C3: variants seen among roughly 807,000 people sequenced by gnomAD.
The protein encoded by C3 is complement C3.
In C3, 97 loss-of-function variants were observed where a neutral mutation model predicts 207.9. The ratio of observed to expected loss-of-function variants is 0.47; its 90% CI spans 0.40 to 0.55. The LOEUF (loss-of-function observed/expected upper bound fraction) is 0.55. Among genes scored for constraint, C3 ranks in the 20% least tolerant of loss-of-function variants. The pLI is 0.00. For missense variants in C3, 1,684 were observed against 2,171.7 expected (o/e 0.78, Z 4.46); for synonymous variants, 848 against 857.6 (o/e 0.99, Z 0.20).
rs192699173 is a variant in C3, at chr19:6,708,533, T to C, written c.1846-604A>G. Among the ~76,000 whole-genome samples the C allele has an allele frequency of 1.0e-3, 151 of 149,982 alleles. 3 individuals carry two copies. The highest frequency in any genetic ancestry group is 3.0e-3 in the African/African-American group (121 of 40,800). ...CCTCCATTCCTCCTTTCCTCCTTCC[T>C]TTGCTCCCCCTTTCCTTCCCTCCTT... On this transcript the variant is annotated intron_variant, in intron 14 of 40. Coordinates refer to ENST00000245907, the MANE Select transcript of C3 (RefSeq NM_000064.4).
intron 17 of C3, among the ~76,000 whole-genome samples, chr19:6,703,522 G>T (rs375062167): frequency 5.0e-4 from 75 of 151,330 alleles, no homozygotes; most frequent in Middle Eastern, 7.0e-3. Context: ...CAGGAGAATC[G>T]CTTGAACCCG....
At chr19:6,691,487 G>A (rs556888739) in intron 26 of C3, among the ~76,000 whole-genome samples, 10 of 152,250 alleles carry the variant, frequency 6.6e-5, no homozygotes, top group African/African-American at 2.2e-4. Flanking sequence ...TCTCACAGAC[G>A]GCAGGGATTA....
chr19:6,705,599 G>A lies in C3; in HGVS notation c.2245+1477C>T, dbSNP rs1476110798. 4.6e-5 allele frequency among the ~76,000 whole-genome samples: 7 copies of A among 151,754 alleles called. No individual in the cohort carries two copies. The South Asian group carries it at 1.2e-3, about 27-fold the overall frequency. On this transcript the variant is annotated intron_variant, in intron 17 of 40. Coordinates refer to ENST00000245907, the MANE Select transcript of C3 (RefSeq NM_000064.4). Reference sequence around the variant, plus strand: ...TGGACTCAAGCAATCCACCCTTCTCGGCCTCGCAAAGTGTGGGCATTACAG... The same window carrying A: ...TGGACTCAAGCAATCCACCCTTCTCAGCCTCGCAAAGTGTGGGCATTACAG...
chr19:6,718,578 G>A (rs1272028144), intron 2 of C3, among the ~76,000 whole-genome samples, 166 bp from the exon 3 acceptor site: 1 of 151,906 alleles, frequency 6.6e-6, no homozygotes, highest in South Asian at 2.1e-4. Flanking sequence ...CGAGGGGAGA[G>A]GGGGGACCAG....
At chr19:6,718,609 A>C (rs1314169885) in intron 2 of C3, among the ~76,000 whole-genome samples, 197 bp from the exon 3 acceptor site, 1 of 148,454 alleles carries the variant, frequency 6.7e-6, no homozygotes, top group Non-Finnish European at 1.5e-5. Context: ...CAAAAAGAAG[A>C]GCTCACAAGG....
chr19:6,681,966 T>C lies in C3; in HGVS notation c.4325A>G (p.Asn1442Ser), dbSNP rs1917874671. The C allele has an allele frequency of 3.1e-6, 5 of 1,614,062 alleles. No homozygotes were observed. Among genetic ancestry groups the C allele is most frequent in the African/African-American group, 1.3e-5 (1 of 75,054 alleles). ...YELDKAFSDRNTLIIYLDKVS... is the reference protein window; with the variant it reads ...YELDKAFSDRSTLIIYLDKVS... ...CTTGTCCAGGTAGATGATGAGGGTG[T>C]TCCTATCGGAGAAGGCTTTGTCCAG... Residue 1442 changes from asparagine to serine, a missense_variant, in exon 35 of 41, where the codon AAC becomes AGC. This residue lies in a region of C3 where 346 missense variants were observed against 380.1 expected (regional missense o/e 0.91). Transcript: ENST00000245907.
At chr19:6,689,664 G>A (rs1918121928) in intron 27 of C3, among the ~76,000 whole-genome samples, 1 of 152,044 alleles carries the variant, frequency 6.6e-6, no homozygotes. Flanking sequence ...TGGCCAACAT[G>A]GTGAAACCCC....
chr19:6,684,271 C>A, intron 33 of C3, 117 bp downstream of exon 33: 4 of 855,976 alleles, frequency 4.7e-6, no homozygotes, highest in Non-Finnish European at 6.1e-6. Context: ...ATACTTAGAA[C>A]AGTATCAGAT....
In C3 at chr19:6,684,817, A is replaced by G. The variant is rs762669243; in HGVS notation, c.3987T>C (p.Gly1329=). 6.2e-7 allele frequency: 1 copy of G among 1,614,010 alleles called. No homozygotes were observed. Among genetic ancestry groups the G allele is most frequent in the South Asian group, 1.1e-5 (1 of 91,076 alleles). Residue 1329 remains glycine (G), a synonymous_variant, in exon 31 of 41, where the codon GGT becomes GGC. Transcript: ENST00000245907. ...CTTTTCCTTCAGCTGTGACTGTGAA[A>G]CCCTCATTTTCCTTGGTCTGCAGAG... ...LRSEETKENE[G]FTVTAEGKGQ...
Position 6,710,812 on chromosome 19 carries a change from G to A in C3, c.1513C>T (p.Arg505Cys), listed in dbSNP as rs748352684. The part of the protein sequence containing the change: ...MNKGRLLKAG[R>C]QVREPGQDLV... ...TCCTGGCCGGGCTCTCGCACCTGGCGTCCCGCCTTCAACAGCCTGCCCTTG... is the reference window on the plus strand; with the variant it reads ...TCCTGGCCGGGCTCTCGCACCTGGCATCCCGCCTTCAACAGCCTGCCCTTG... Residue 505 changes from arginine to cysteine, a missense_variant, in exon 13 of 41, where the codon CGC becomes TGC. Coordinates refer to ENST00000245907, the MANE Select transcript of C3 (RefSeq NM_000064.4). The A allele has an allele frequency of 2.5e-6, 4 of 1,613,938 alleles. No individual in the cohort carries two copies. Among genetic ancestry groups the A allele is most frequent in the Non-Finnish European group, 3.4e-6 (4 of 1,180,010 alleles).
chr19:6,690,772 C>A, intron 26 of C3, 45 bp from the exon 27 acceptor site: 1 of 1,440,026 alleles, frequency 6.9e-7, no homozygotes, highest in Admixed American at 1.7e-5. Context: ...CCGGTGTGTC[C>A]ACACATGGCA....
chr19:6,694,348 G>A (rs1216264053), intron 24 of C3, 83 bp downstream of exon 24: 4 of 1,245,636 alleles, frequency 3.2e-6, no homozygotes, highest in Non-Finnish European at 4.7e-6. Flanking sequence ...GGAGGGCGTG[G>A]TCTTGAGATG....
Position 6,682,299 on chromosome 19 carries a change from AG to A in C3, c.4173-71del, listed in dbSNP as rs1200393924. 5.9e-6 allele frequency: 7 copies of A among 1,187,124 alleles called. No individual in the cohort carries two copies. In the Admixed American group the frequency reaches 1.0e-4, roughly 17 times the overall value. 73.5% of individuals were successfully genotyped at this position (1,187,124 alleles called of 1,614,324 possible). A position where few individuals can be genotyped will look rare whatever the true frequency, so the allele number is the denominator to read the frequency against. On this transcript the variant is annotated intron_variant, in intron 33 of 40. Transcript: ENST00000245907. ...AGCCCCAAGGGTCTGTTCCTGGACA[AG>A]GAGGTCTGATCAGGCACTGAGACTT...
Position 6,709,921 on chromosome 19 carries a change from G to A in C3, c.1687-79C>T, listed in dbSNP as rs562761208. Reference sequence around the variant, plus strand: ...CTGGGATGGAGTGGGTGCTGGGCTAGAGTGGAAAGACAGAAAGGTTGGGGG... The same window carrying A: ...CTGGGATGGAGTGGGTGCTGGGCTAAAGTGGAAAGACAGAAAGGTTGGGGG... On this transcript the variant is annotated intron_variant, in intron 13 of 40. Coordinates refer to ENST00000245907, the MANE Select transcript of C3 (RefSeq NM_000064.4). 1.0e-3 allele frequency: 1,445 copies of A among 1,390,562 alleles called. 34 individuals are homozygous for A. The South Asian group carries it at 0.014, about 14-fold the overall frequency. 86.1% of individuals were successfully genotyped at this position (1,390,562 alleles called of 1,614,324 possible). A position where few individuals can be genotyped will look rare whatever the true frequency, so the allele number is the denominator to read the frequency against.
chr19:6,713,297 C>G lies in C3; in HGVS notation c.895G>C (p.Glu299Gln). The part of the protein sequence containing the change: ...KRIPIEDGSG[E>Q]VVLSRKVLLD... ...AGTACCTTCCGGCTCAGCACAACCT[C>G]CCCCGAGCCATCCTCAATCTGAGAA... Residue 299 changes from glutamate (E) to glutamine (Q), a missense_variant, in exon 9 of 41, where the codon GAG becomes CAG. Glu to Gln is a conservative substitution (Grantham distance 29). Around this residue, in one of 3 missense-constraint regions of C3, gnomAD observed 1,280 missense variants for 1,739.1 expected, o/e 0.74. Transcript: ENST00000245907. 6.2e-7 allele frequency: 1 copy of G among 1,613,740 alleles called. No individual in the cohort carries two copies. Among genetic ancestry groups the G allele is most frequent in the African/African-American group, 1.3e-5 (1 of 75,016 alleles).
chr19:6,714,029 A>G lies in C3; in HGVS notation c.736T>C (p.Tyr246His). The G allele has an allele frequency of 6.2e-7, 1 of 1,608,804 alleles. No individual in the cohort carries two copies. The highest frequency in any genetic ancestry group is 1.1e-5 in the South Asian group (1 of 90,798). Residue 246 changes from tyrosine to histidine, a missense_variant, in exon 7 of 41, where the codon TAT becomes CAT. By Grantham distance (83) the Tyr-to-His change is moderately conservative (BLOSUM62 2). Transcript: ENST00000245907. ...VEPTEKFYYIYNEKGLEVTIT... is the reference protein window; with the variant it reads ...VEPTEKFYYIHNEKGLEVTIT... ...GTGACCTCCAGGCCCTTCTCGTTAT[A>G]GATGTAGTAGAATTTCTCTGTAGGC...
chr19:6,679,554 C>A (rs1485582444), intron 36 of C3, 58 bp from the exon 37 acceptor site: 33 of 1,141,238 alleles, frequency 2.9e-5, no homozygotes, highest in Non-Finnish European at 4.3e-5. Flanking sequence ...AAAGACCATG[C>A]CTGGGAGGCC....
rs752216964 is a variant in C3, at chr19:6,697,800, C to T, written c.2441-6G>A. The T allele has an allele frequency of 2.1e-5, 34 of 1,611,424 alleles. No individual in the cohort carries two copies. The highest frequency in any genetic ancestry group is 3.3e-5 in the Admixed American group (2 of 59,728). ...GGGGTCTGCCACACAGATCCCTGCT[C>T]GGGCAGAGACAGAACACGGAGTGTC... On this transcript the variant is annotated splice_polypyrimidine_tract_variant and splice_region_variant and intron_variant, in intron 19 of 40. Transcript: ENST00000245907.
chr19:6,697,444 A>T lies in C3; in HGVS notation c.2696T>A (p.Val899Asp). The stretch of plus-strand genomic sequence containing the variant: ...CAGGCCGGTCTTTAGCGGCACGATG[A>T]CATATGGAACGGACAACGAGGACTT... ...PPKSSLSVPY[V>D]IVPLKTGLQE... Residue 899 changes from valine to aspartate, a missense_variant, in exon 21 of 41, where the codon GTC becomes GAC. Around this residue, in one of 3 missense-constraint regions of C3, gnomAD observed 1,280 missense variants for 1,739.1 expected, o/e 0.74. Transcript: ENST00000245907. 6.2e-7 allele frequency: 1 copy of T among 1,613,734 alleles called. No homozygotes were observed.
Sources: allele counts gnomAD v4.1 joint callset (sites outside exome capture counted in the v4.1 genomes callset), GRCh38; gene constraint gnomAD v4.1.1; regional missense constraint gnomAD v4.1.1; transcripts MANE v1.5; gene names NCBI Gene and HGNC (gene_info 2026-07-23, HGNC 2026-07-21).